NMNAT2: variants seen among roughly 807,000 people sequenced by gnomAD.
NMNAT2 encodes nicotinamide/nicotinic acid mononucleotide adenylyltransferase 2.
NMNAT2 carries 11 observed loss-of-function variants against 41.6 expected under a neutral mutation model. The ratio of observed to expected loss-of-function variants is 0.26; its 90% CI spans 0.17 to 0.44. The LOEUF (loss-of-function observed/expected upper bound fraction) is 0.44. Ranked by LOEUF, NMNAT2 falls within the 20% of genes least tolerant of loss-of-function variation. The probability of loss-of-function intolerance (pLI) is 1.00; values close to 1 mark genes in which losing one functional copy is unlikely to be tolerated. For missense variants in NMNAT2, 288 were observed against 407.7 expected, an observed-to-expected ratio of 0.71 and a Z score of 2.53; for synonymous variants, 148 against 151.2, an observed-to-expected ratio of 0.98 and a Z score of 0.16.
At chr1:183,290,347 G>T in intron 3 of NMNAT2, 141 bp from the exon 4 acceptor site, 1 of 610,978 alleles carries the variant, frequency 1.6e-6, no homozygotes. Flanking sequence ...ATAAAACCTG[G>T]GTGTGAAACA....
chr1:183,396,162 G>C (rs1257727877), intron 1 of NMNAT2, among the ~76,000 whole-genome samples: 1 of 152,124 alleles, frequency 6.6e-6, no homozygotes, highest in Admixed American at 6.5e-5. Flanking sequence ...AAGTGCCAGA[G>C]GAGGCTATCT....
chr1:183,398,186 C>T (rs1027640896), intron 1 of NMNAT2, among the ~76,000 whole-genome samples: 2 of 152,118 alleles, frequency 1.3e-5, no homozygotes, highest in Admixed American at 6.6e-5. Flanking sequence ...CAGAGACACA[C>T]ATAGGCTCAA....
chr1:183,305,724 T>C (rs1360353789), intron 1 of NMNAT2, among the ~76,000 whole-genome samples: 1 of 150,148 alleles, frequency 6.7e-6, no homozygotes, highest in Non-Finnish European at 1.5e-5. Flanking sequence ...GCCTTTTTTT[T>C]TTTTTTTTTT....
At chr1:183,317,138 G>A (rs920210490) in intron 1 of NMNAT2, among the ~76,000 whole-genome samples, 16 of 152,226 alleles carry the variant, frequency 1.1e-4, no homozygotes, top group African/African-American at 2.9e-4. Context: ...AATGGGAACC[G>A]TCGGGTCATA....
intron 1 of NMNAT2, among the ~76,000 whole-genome samples, chr1:183,364,101 G>T (rs574706669): frequency 1.2e-4 from 18 of 152,308 alleles, no homozygotes; most frequent in Non-Finnish European, 1.9e-4. Context: ...AGCATTGAAT[G>T]TGTGGCCAGA....
chr1:183,260,861 A>G (rs1269067437), intron 10 of NMNAT2, 141 bp downstream of exon 10: 10 of 707,104 alleles, frequency 1.4e-5, no homozygotes, highest in Non-Finnish European at 2.3e-5. Context: ...GGCTGTGAAC[A>G]AATGAGGTCC....
At chr1:183,358,574 T>C (rs1663244995) in intron 1 of NMNAT2, among the ~76,000 whole-genome samples, 1 of 152,142 alleles carries the variant, frequency 6.6e-6, no homozygotes, top group Non-Finnish European at 1.5e-5. Context: ...TGCAACACCT[T>C]GATCCAAATG....
chr1:183,399,197 C>G (rs1189495068), intron 1 of NMNAT2, among the ~76,000 whole-genome samples: 2 of 126,960 alleles, frequency 1.6e-5, no homozygotes, highest in African/African-American at 5.1e-5. Flanking sequence ...AGAGAAGAAT[C>G]AAACAGACGC....
intron 8 of NMNAT2, among the ~76,000 whole-genome samples, chr1:183,270,338 G>T (rs991352111): frequency 6.6e-6 from 1 of 152,112 alleles, no homozygotes; most frequent in Non-Finnish European, 1.5e-5. Context: ...AGTTTAAAAA[G>T]ATGCAAAGAG....
At chr1:183,346,999 C>A (rs1354439801) in intron 1 of NMNAT2, among the ~76,000 whole-genome samples, 1 of 152,170 alleles carries the variant, frequency 6.6e-6, no homozygotes, top group East Asian at 1.9e-4. Flanking sequence ...CTCCATGAAG[C>A]CTTCCTTGAC....
At chr1:183,418,089 C>G in intron 1 of NMNAT2, 94 bp downstream of exon 1, 1 of 1,201,536 alleles carries the variant, frequency 8.3e-7, no homozygotes, top group African/African-American at 1.5e-5. Flanking sequence ...TCCGAAGGGG[C>G]ACACGCCTTC....
intron 1 of NMNAT2, among the ~76,000 whole-genome samples, chr1:183,362,468 T>C (rs1257715494): frequency 2.0e-5 from 3 of 152,200 alleles, no homozygotes; most frequent in Non-Finnish European, 4.4e-5. Flanking sequence ...CTACTCTACT[T>C]TCTATCCCTA....
chr1:183,305,534 A>AAAT (rs1410067656), intron 1 of NMNAT2, among the ~76,000 whole-genome samples: 5 of 152,150 alleles, frequency 3.3e-5, no homozygotes, highest in African/African-American at 9.7e-5. Flanking sequence ...TTCGAGCTTG[A>AAAT]AATAGACTTT....
At chr1:183,256,374 A>T (rs146262390) in intron 10 of NMNAT2, among the ~76,000 whole-genome samples, 5,678 of 152,208 alleles carry the variant, frequency 0.037, 142 homozygotes, top group South Asian at 0.12. Flanking sequence ...GTGCCACTGC[A>T]CTCCAGCCTG....
chr1:183,296,804 G>T (rs965618666), intron 1 of NMNAT2, among the ~76,000 whole-genome samples: 4 of 152,016 alleles, frequency 2.6e-5, no homozygotes, highest in African/African-American at 7.3e-5. Context: ...ATGAGCCACC[G>T]CACCCAGCCC....
intron 1 of NMNAT2, among the ~76,000 whole-genome samples, chr1:183,399,210 T>TA (rs907217624): frequency 2.4e-5 from 3 of 127,176 alleles, no homozygotes; most frequent in Non-Finnish European, 5.6e-5. Context: ...ACAGACGCAA[T>TA]AAAAAATGAT....
At chr1:183,278,858 C>G (rs1226666375) in intron 7 of NMNAT2, among the ~76,000 whole-genome samples, 1 of 152,212 alleles carries the variant, frequency 6.6e-6, no homozygotes, top group African/African-American at 2.4e-5. Context: ...AGGAATTACT[C>G]ATGCAAGGAG....
chr1:183,333,973 C>T (rs1662634058), intron 1 of NMNAT2, among the ~76,000 whole-genome samples: 1 of 152,178 alleles, frequency 6.6e-6, no homozygotes, highest in South Asian at 2.1e-4. Context: ...AGAAAATGAT[C>T]TCATTGTTCC....
chr1:183,413,373 C>T lies in NMNAT2; in HGVS notation c.85+4810G>A, dbSNP rs542708165. On this transcript the variant is annotated intron_variant, in intron 1 of 10. Coordinates refer to ENST00000287713, the MANE Select transcript of NMNAT2 (RefSeq NM_015039.4). ...TAGTTAGGACTACAGGCACCATGTC[C>T]TCCTGTTTTTGGTCACATTCTCCTG... 2.6e-5 allele frequency among the ~76,000 whole-genome samples: 4 copies of T among 152,166 alleles called. No homozygotes were observed. In the South Asian group the frequency reaches 6.2e-4, roughly 24 times the overall value.
Sources: allele counts gnomAD v4.1 joint callset (sites outside exome capture counted in the v4.1 genomes callset), GRCh38; gene constraint gnomAD v4.1.1; transcripts MANE v1.5; gene names NCBI Gene and HGNC (gene_info 2026-07-23, HGNC 2026-07-21).